Variants in CSMD1 observed in about 807,000 individuals in gnomAD.
CSMD1 encodes the protein CUB and sushi domain-containing protein 1.
A neutral mutation model predicts 417.5 loss-of-function variants in CSMD1; 213 were observed. That is an observed-to-expected ratio of 0.51 (90% CI 0.46 to 0.57). CSMD1 has a LOEUF of 0.57. Among genes scored for constraint, CSMD1 ranks in the 20% least tolerant of loss-of-function variants. The pLI is 0.00. For synonymous variants in CSMD1, 2,862 were observed against 1,736.8 expected, an observed-to-expected ratio of 1.65 and a Z score of -16.11; for missense variants, 6,923 against 4,529.7, an observed-to-expected ratio of 1.53 and a Z score of -15.17.
intron 1 of CSMD1, among the ~76,000 whole-genome samples, chr8:4,780,390 G>A (rs1797091567): frequency 6.6e-6 from 1 of 151,836 alleles, no homozygotes; most frequent in African/African-American, 2.4e-5. Flanking sequence ...GGAACTCAAG[G>A]CAGTTCATTC....
intron 6 of CSMD1, among the ~76,000 whole-genome samples, chr8:3,742,878 G>T (rs1490634210): frequency 6.6e-6 from 1 of 152,236 alleles, no homozygotes; most frequent in Non-Finnish European, 1.5e-5. Flanking sequence ...AATGTGTTAT[G>T]ACTGCAATGG....
chr8:3,236,731 C>T (rs1353158870), intron 26 of CSMD1, among the ~76,000 whole-genome samples: 2 of 152,174 alleles, frequency 1.3e-5, no homozygotes, highest in Non-Finnish European at 2.9e-5. Context: ...ACTCATTTTT[C>T]TCTTAAATAT....
At chr8:3,923,587 C>T (rs146954647) in intron 5 of CSMD1, among the ~76,000 whole-genome samples, 1 of 152,136 alleles carries the variant, frequency 6.6e-6, no homozygotes, top group Non-Finnish European at 1.5e-5. Context: ...AATTAACATA[C>T]TCATCACCTC....
intron 25 of CSMD1, among the ~76,000 whole-genome samples, chr8:3,299,442 C>G (rs1374765944): frequency 6.6e-6 from 1 of 151,952 alleles, no homozygotes; most frequent in Non-Finnish European, 1.5e-5. Flanking sequence ...ACAAGAGCAA[C>G]ACTTTGTCTC....
chr8:4,442,685 C>T (rs986030544), intron 2 of CSMD1, among the ~76,000 whole-genome samples: 16 of 152,150 alleles, frequency 1.1e-4, no homozygotes, highest in African/African-American at 3.6e-4. Flanking sequence ...TATTCAATGT[C>T]TCCGAAAAGG....
At chr8:3,317,509 T>A (rs1435924631) in intron 23 of CSMD1, among the ~76,000 whole-genome samples, 4 of 152,170 alleles carry the variant, frequency 2.6e-5, no homozygotes, top group African/African-American at 9.6e-5. Flanking sequence ...CAATTAAGTG[T>A]TTGTTTTGTT....
intron 2 of CSMD1, among the ~76,000 whole-genome samples, chr8:4,482,147 G>C (rs946835445): frequency 4.6e-5 from 7 of 152,102 alleles, no homozygotes; most frequent in Non-Finnish European, 8.8e-5. Context: ...GGTTACATAA[G>C]TAAACTTGTG....
At chr8:3,206,983 A>G (rs1020203957) in intron 30 of CSMD1, among the ~76,000 whole-genome samples, 12 of 152,020 alleles carry the variant, frequency 7.9e-5, no homozygotes, top group Admixed American at 4.6e-4. Context: ...GCCACTCAGG[A>G]CAGCCTGTTG....
chr8:4,024,426 C>A (rs1796955804), intron 4 of CSMD1, among the ~76,000 whole-genome samples: 1 of 152,116 alleles, frequency 6.6e-6, no homozygotes, highest in Admixed American at 6.5e-5. Flanking sequence ...TTATTAAACT[C>A]TTCAACCATG....
chr8:4,449,084 G>A (rs961416722), intron 2 of CSMD1, among the ~76,000 whole-genome samples: 2 of 152,204 alleles, frequency 1.3e-5, no homozygotes, highest in Non-Finnish European at 2.9e-5. Flanking sequence ...TTTCTAAGGA[G>A]ATTGAATAGC....
intron 5 of CSMD1, among the ~76,000 whole-genome samples, chr8:3,913,346 T>C (rs1308678645): frequency 3.3e-5 from 5 of 152,008 alleles, no homozygotes; most frequent in South Asian, 2.1e-4. Flanking sequence ...GCCAATCCGA[T>C]ATCAGAACAG....
intron 7 of CSMD1, among the ~76,000 whole-genome samples, chr8:3,650,041 A>G (rs143312587): frequency 0.012 from 1,838 of 152,276 alleles, 47 homozygotes; most frequent in African/African-American, 0.042. Flanking sequence ...CACTTTGGGA[A>G]GCCAAGGCGG....
chr8:4,438,408 T>G (rs548661862), intron 2 of CSMD1, among the ~76,000 whole-genome samples: 1 of 152,270 alleles, frequency 6.6e-6, no homozygotes, highest in Admixed American at 6.5e-5. Context: ...TTGAAGTTGG[T>G]GGATACTTAA....
At chr8:4,459,240 A>T (rs79403693) in intron 2 of CSMD1, among the ~76,000 whole-genome samples, 3,805 of 152,292 alleles carry the variant, frequency 0.025, 170 homozygotes, top group African/African-American at 0.085. Context: ...TGGGAGGCTC[A>T]ACTCCAGAAT....
chr8:4,818,339 A>G (rs1421751919), intron 1 of CSMD1, among the ~76,000 whole-genome samples: 1 of 152,180 alleles, frequency 6.6e-6, no homozygotes, highest in Non-Finnish European at 1.5e-5. Flanking sequence ...AAATTTGAGC[A>G]TTGCCTGCCA....
At chr8:3,013,562 C>T (rs1399383917) in intron 52 of CSMD1, among the ~76,000 whole-genome samples, 1 of 152,034 alleles carries the variant, frequency 6.6e-6, no homozygotes, top group Admixed American at 6.6e-5. Flanking sequence ...ACCAGCCTGG[C>T]CAACATGGTA....
chr8:4,654,392 C>T (rs562222744), intron 1 of CSMD1, among the ~76,000 whole-genome samples: 1 of 152,210 alleles, frequency 6.6e-6, no homozygotes, highest in East Asian at 1.9e-4. Context: ...CTCTGATGCT[C>T]TCTATTCTGG....
intron 6 of CSMD1, among the ~76,000 whole-genome samples, chr8:3,708,933 C>A (rs1433759381): frequency 2.6e-5 from 4 of 152,068 alleles, no homozygotes; most frequent in Non-Finnish European, 4.4e-5. Flanking sequence ...TTCATATATT[C>A]ATTTACTCAC....
At position 4,375,269 on chromosome 8, in the gene CSMD1, A is replaced by G. The variant is rs568072265; in HGVS notation, c.415+44684T>C. On this transcript the variant is annotated intron_variant, in intron 3 of 69. Transcript: ENST00000635120. ...AAAACATGCAGTTGTCCATAAACAG[A>G]CTTCAGGAAAAGACACAAAAAAGTG... 4.3e-4 allele frequency among the ~76,000 whole-genome samples: 66 copies of G among 152,248 alleles called. No homozygotes were observed. In the South Asian group the frequency reaches 4.4e-3, roughly 10 times the overall value.
Sources: allele counts gnomAD v4.1 joint callset (sites outside exome capture counted in the v4.1 genomes callset), GRCh38; gene constraint gnomAD v4.1.1; transcripts MANE v1.5; gene names NCBI Gene and HGNC (gene_info 2026-07-23, HGNC 2026-07-21).